Variants in SLC38A9 observed in about 807,000 individuals in gnomAD.
SLC38A9 encodes the protein neutral amino acid transporter 9.
Under a neutral mutation model 62.3 loss-of-function variants are expected in SLC38A9, and 48 were observed. That is an observed-to-expected ratio of 0.77 (90% confidence interval 0.61 to 0.98). The LOEUF is 0.98. Among genes scored for constraint, SLC38A9 ranks in the 50% least tolerant of loss-of-function variants. The pLI, the probability that SLC38A9 is intolerant of heterozygous loss-of-function variation, is 0.00. For missense variants in SLC38A9, 541 were observed against 679.8 expected (o/e 0.80, Z 2.27); for synonymous variants, 204 against 227.7 (o/e 0.90, Z 0.94).
intron 10 of SLC38A9, 48 bp from the exon 11 acceptor site, chr5:55,649,362 C>G (rs770009816): frequency 1.7e-6 from 2 of 1,180,626 alleles, no homozygotes; most frequent in African/African-American, 3.1e-5. Context: ...GTGTGTTTTA[C>G]AGATTATTTT....
At chr5:55,672,497 T>C (rs1162437271) in intron 4 of SLC38A9, 66 bp downstream of exon 4, 13 of 1,553,464 alleles carry the variant, frequency 8.4e-6, no homozygotes, top group Admixed American at 1.9e-5. Flanking sequence ...GGAGGTGCCC[T>C]GGCTTATATT....
chr5:55,692,835 T>C (rs1754931651), intron 3 of SLC38A9: 1 of 983,292 alleles, frequency 1.0e-6, no homozygotes, highest in South Asian at 4.7e-5. Context: ...TCAGCATTCA[T>C]TAGTGCTTAT....
chr5:55,662,306 A>G (rs905602797), intron 8 of SLC38A9, among the ~76,000 whole-genome samples: 2 of 152,206 alleles, frequency 1.3e-5, no homozygotes, highest in Non-Finnish European at 2.9e-5. Context: ...ACTATAAGCA[A>G]TCAGAATGAA....
intron 3 of SLC38A9, among the ~76,000 whole-genome samples, chr5:55,686,132 G>A (rs1186604572): frequency 6.6e-6 from 1 of 152,004 alleles, no homozygotes; most frequent in Admixed American, 6.6e-5. Context: ...ATTCCTTTGG[G>A]TATATACCCA....
At chr5:55,635,394 G>T in intron 13 of SLC38A9, 150 bp downstream of exon 13, 1 of 685,622 alleles carries the variant, frequency 1.5e-6, no homozygotes. Flanking sequence ...AAAAGGGAAG[G>T]TGCCTAAATT....
At chr5:55,706,189 C>T (rs1271046890) in intron 2 of SLC38A9, among the ~76,000 whole-genome samples, 1 of 152,174 alleles carries the variant, frequency 6.6e-6, no homozygotes, top group East Asian at 1.9e-4. Context: ...AGCAACAACC[C>T]TTCCAGTGGC....
intron 12 of SLC38A9, among the ~76,000 whole-genome samples, chr5:55,644,401 G>A (rs1420757032): frequency 6.6e-6 from 1 of 151,674 alleles, no homozygotes; most frequent in African/African-American, 2.4e-5. Context: ...CTTTTCCATG[G>A]CTTCTTTTGG....
At chr5:55,635,164 A>T (rs1295312717) in intron 13 of SLC38A9, 1 of 194,804 alleles carries the variant, frequency 5.1e-6, no homozygotes, top group East Asian at 1.4e-4. Flanking sequence ...TTTTAAAAAT[A>T]GGGAGTTCCT....
rs1449364119 is a variant in SLC38A9, at chr5:55,659,380, T to TTG, written c.698-2607_698-2606insCA. ...GAACTATTAAAAAAACTGGAAAGGT[T>TTG]TTTTTTTTTATTTTATTTTGATTTG... On this transcript the variant is annotated intron_variant, in intron 8 of 15. Coordinates refer to ENST00000396865, the MANE Select transcript of SLC38A9 (RefSeq NM_173514.4). 4.8e-4 allele frequency among the ~76,000 whole-genome samples: 69 copies of TTG among 144,102 alleles called. 1 individual carries two copies. The highest frequency in any genetic ancestry group is 1.7e-3 in the African/African-American group (65 of 39,374). 94.5% of individuals were successfully genotyped at this position (144,102 alleles called of 152,430 possible). A position where few individuals can be genotyped will look rare whatever the true frequency, so the allele number is the denominator to read the frequency against.
At chr5:55,653,946 C>T (rs1478892187) in intron 9 of SLC38A9, among the ~76,000 whole-genome samples, 3 of 152,136 alleles carry the variant, frequency 2.0e-5, no homozygotes, top group East Asian at 1.9e-4. Context: ...CCTGAGCCAC[C>T]GCACTGGGCC....
chr5:55,692,901 T>C (rs1754941858), intron 3 of SLC38A9: 2 of 978,910 alleles, frequency 2.0e-6, no homozygotes, highest in Non-Finnish European at 2.4e-6. Context: ...TCATTATCTT[T>C]TCTGATGGCC....
chr5:55,656,936 C>T (rs1748556607), intron 8 of SLC38A9, among the ~76,000 whole-genome samples, 162 bp from the exon 9 acceptor site: 1 of 151,686 alleles, frequency 6.6e-6, no homozygotes, highest in Non-Finnish European at 1.5e-5. Flanking sequence ...TCTTGGCTTA[C>T]TGCAAGCTCC....
intron 2 of SLC38A9, among the ~76,000 whole-genome samples, chr5:55,701,088 G>A (rs1756582862): frequency 6.6e-6 from 1 of 152,134 alleles, no homozygotes; most frequent in African/African-American, 2.4e-5. Flanking sequence ...AGTCACACTA[G>A]CTACATTTGA....
intron 14 of SLC38A9, among the ~76,000 whole-genome samples, chr5:55,632,331 A>G (rs1006218909): frequency 1.3e-5 from 2 of 152,106 alleles, no homozygotes; most frequent in East Asian, 3.9e-4. Context: ...CCAGCTACTC[A>G]GGAGGCTGAG....
At position 55,652,905 on chromosome 5, in the gene SLC38A9, T is replaced by C. The variant is rs9687838; in HGVS notation, c.758-182A>G. On this transcript the variant is annotated intron_variant, in intron 9 of 15. Coordinates refer to ENST00000396865, the MANE Select transcript of SLC38A9 (RefSeq NM_173514.4). ...GTTAATTTTAGGAATATTAGGACTCTTTCACCTAAAAATAAATAAGGGTGA... is the reference window on the plus strand; with the variant it reads ...GTTAATTTTAGGAATATTAGGACTCCTTCACCTAAAAATAAATAAGGGTGA... Among the ~76,000 whole-genome samples, 92,263 of 152,022 alleles carry C rather than the reference T, an allele frequency of 0.61. 28,458 individuals carry two copies. The highest frequency in any genetic ancestry group is 0.7 in the South Asian group (3,367 of 4,816).
intron 14 of SLC38A9, among the ~76,000 whole-genome samples, chr5:55,628,529 A>G (rs916860985): frequency 1.3e-5 from 2 of 152,214 alleles, no homozygotes; most frequent in African/African-American, 2.4e-5. Flanking sequence ...AGAAGGCAGT[A>G]GTGATTTTGT....
chr5:55,663,296 CAAAAAAAAAAAAAAAA>C (rs555065009), intron 8 of SLC38A9, among the ~76,000 whole-genome samples: 2 of 93,122 alleles, frequency 2.1e-5, no homozygotes, highest in African/African-American at 4.7e-5. Context: ...TCTGTCTCTA[CAAAAAAAAAAAAAAAA>C]AAAAAAAAAA....
chr5:55,709,791 C>T (rs1260381462), intron 2 of SLC38A9, among the ~76,000 whole-genome samples: 1 of 151,662 alleles, frequency 6.6e-6, no homozygotes, highest in Non-Finnish European at 1.5e-5. Context: ...ACTGGCTGGG[C>T]GTGTGTGGCA....
intron 3 of SLC38A9, chr5:55,691,110 C>G: frequency 1.4e-6 from 1 of 700,024 alleles, no homozygotes; most frequent in Non-Finnish European, 2.6e-6. Flanking sequence ...CTGCCTGTAC[C>G]CCACTTGGCT....
Sources: gnomAD v4.1 joint callset for allele counts (sites outside exome capture counted in the v4.1 genomes callset) on GRCh38, gnomAD v4.1.1 for gene constraint, MANE v1.5 for transcripts, NCBI Gene and HGNC (gene_info 2026-07-23, HGNC 2026-07-21) for gene names.